Variants in CUL9 observed in about 807,000 individuals in gnomAD.
CUL9 encodes cullin-9.
In CUL9, 79 loss-of-function variants were observed where a neutral mutation model predicts 272.6. The observed-to-expected ratio is 0.29, with a 90% CI of 0.24 to 0.35. The LOEUF (loss-of-function observed/expected upper bound fraction) is 0.35, where lower values mean the gene tolerates loss of function less well. Among genes scored for constraint, CUL9 ranks in the 10% least tolerant of loss-of-function variants. CUL9 has a pLI of 1.00. For synonymous variants in CUL9, 1,186 were observed against 1,286.5 expected (o/e 0.92, Z 1.67); for missense variants, 2,532 against 3,255.6 (o/e 0.78, Z 5.41).
Position 43,221,036 on chromosome 6 carries a change from G to A in CUL9, c.6589-122G>A. On this transcript the variant is annotated intron_variant, in intron 33 of 40. Transcript: ENST00000252050. The surrounding 1 kb of genome is among the most constrained non-coding windows in gnomAD (Gnocchi z 4.2). ...TCCTCAGCCTCTGCCACCCAGTTGA[G>A]CTCTGTTCCTCTTCCTGGAGCCCTC... The A allele has an allele frequency of 6.8e-7, 1 of 1,472,772 alleles. No homozygotes were observed. Among genetic ancestry groups the A allele is most frequent in the African/African-American group, 1.4e-5 (1 of 71,760 alleles). The allele number at this position is 1,472,772 out of a possible 1,614,324, so 91.2% of individuals were successfully genotyped here.
rs540417298 is a variant in CUL9 at position 43,196,364 on chromosome 6, G to A, written c.2585+99G>A. ...TGTACTCCACAGAAATTCCCCTCAC[G>A]CTGTCACCTCCGGATTAAGCATTGG... On this transcript the variant is annotated intron_variant, in intron 10 of 40. Coordinates refer to ENST00000252050, the MANE Select transcript of CUL9 (RefSeq NM_015089.4). 6.7e-6 allele frequency: 8 copies of A among 1,201,208 alleles called. No individual in the cohort carries two copies. In the East Asian group the frequency reaches 1.7e-4, roughly 26 times the overall value. The allele number at this position is 1,201,208 out of a possible 1,614,324, so 74.4% of individuals were successfully genotyped here.
rs761178613 is a variant in CUL9 at position 43,193,025 on chromosome 6, G to A, written c.2205G>A (p.Val735=). ...SLREKLVKML[V]ELLTNQVGEK... ...GAGAGAAGCTAGTGAAGATGCTGGT[G>A]GAGCTGCTGACCAACCAGGTGGGAG... is the stretch of plus-strand genomic sequence containing the variant. The change falls in exon 9 of 41, where the codon GTG becomes GTA. Residue 735 remains valine, a synonymous_variant. Coordinates refer to ENST00000252050, the MANE Select transcript of CUL9 (RefSeq NM_015089.4). 2.5e-6 allele frequency: 4 copies of A among 1,614,134 alleles called. No homozygotes were observed. The Admixed American group carries it at 6.7e-5, about 27-fold the overall frequency.
At chr6:43,214,990 G>A in intron 29 of CUL9, 89 bp from the exon 30 acceptor site, 1 of 1,454,678 alleles carries the variant, frequency 6.9e-7, no homozygotes, top group South Asian at 1.4e-5. Context: ...AAAAAAGGGG[G>A]GGAAAAATAA....
chr6:43,212,938 A>G (rs1223959262), intron 26 of CUL9: 17 of 581,344 alleles, frequency 2.9e-5, no homozygotes, highest in Non-Finnish European at 5.2e-5. Flanking sequence ...CGCTGGGTCT[A>G]GGGATGGGCT....
Position 43,221,238 on chromosome 6 carries a change from G to A in CUL9, c.6669G>A (p.Ala2223=), listed in dbSNP as rs147336036. The A allele has an allele frequency of 7.3e-5, 117 of 1,611,604 alleles. No homozygotes were observed. Among genetic ancestry groups the A allele is most frequent in the Non-Finnish European group, 9.4e-5 (111 of 1,179,980 alleles). ...ACTATGACGGCATGAGCGTGGAGGC[G>A]CAGAGCAAGCACCTGGCCAAGCTCA... ...GGYYDGMSVE[A]QSKHLAKLIS... Residue 2223 remains alanine, a synonymous_variant, in exon 34 of 41, where the codon GCG becomes GCA. Transcript: ENST00000252050. The surrounding 1 kb of genome is among the most constrained non-coding windows in gnomAD (Gnocchi z 4.2).
intron 8 of CUL9, among the ~76,000 whole-genome samples, chr6:43,190,124 T>C (rs745466885): frequency 6.6e-5 from 10 of 152,194 alleles, no homozygotes; most frequent in African/African-American, 9.7e-5. Context: ...AGTGTGGTTA[T>C]CTCCAGTTTC....
intron 31 of CUL9, 33 bp downstream of exon 31, chr6:43,216,536 G>A (rs777247441): frequency 6.5e-7 from 1 of 1,542,222 alleles, no homozygotes. Flanking sequence ...CCTGCCCCTG[G>A]CTTTCTGCCC....
At chr6:43,205,504 A>C (rs1016580853) in intron 24 of CUL9, 81 bp downstream of exon 24, 1 of 1,487,188 alleles carries the variant, frequency 6.7e-7, no homozygotes, top group African/African-American at 1.4e-5. Flanking sequence ...AGGGGAGATG[A>C]GAAAAGAGGC....
Position 43,224,421 on chromosome 6 carries a change from G to A in CUL9, c.7530G>A (p.Glu2510=). 2 of 1,614,008 alleles carry A rather than the reference G, an allele frequency of 1.2e-6. No homozygotes were observed. The highest frequency in any genetic ancestry group is 1.7e-4 in the Middle Eastern group (1 of 5,926). The change falls in exon 41 of 41, where the codon GAG becomes GAA. Residue 2510 remains glutamate (E), a synonymous_variant. Transcript: ENST00000252050. This position sits in a 1 kb window ranked among gnomAD's most constrained non-coding sequence, Gnocchi z 4.2. ...QETFFFGDEE[E]DEDEAYD is the part of the protein sequence containing the mutation. Reference sequence around the variant, plus strand: ...CTTTCTTCTTTGGTGATGAGGAAGAGGATGAAGATGAGGCCTATGACTGAG... The same window carrying A: ...CTTTCTTCTTTGGTGATGAGGAAGAAGATGAAGATGAGGCCTATGACTGAG...
Position 43,218,479 on chromosome 6 carries a change from G to C in CUL9, c.6282+1976G>C, listed in dbSNP as rs1471133043. On this transcript the variant is annotated intron_variant, in intron 31 of 40. Transcript: ENST00000252050. The surrounding 1 kb of genome is among the most constrained non-coding windows in gnomAD (Gnocchi z 4.4). ...GATCCACCCACCTCAGCCTCCCAAA[G>C]TGCTGGAATTACAGGCGTGAGCCAC... Among the ~76,000 whole-genome samples, 1 of 152,066 alleles carries C rather than the reference G, an allele frequency of 6.6e-6. No individual in the cohort carries two copies. Among genetic ancestry groups the C allele is most frequent in the Non-Finnish European group, 1.5e-5 (1 of 68,030 alleles).
Position 43,223,019 on chromosome 6 carries a change from T to C in CUL9, c.7150+123T>C. 2 of 936,428 alleles carry C rather than the reference T, an allele frequency of 2.1e-6. No individual in the cohort carries two copies. Among genetic ancestry groups the C allele is most frequent in the Non-Finnish European group, 1.6e-6 (1 of 606,884 alleles). 58.0% of individuals were successfully genotyped at this position (936,428 alleles called of 1,614,324 possible). On this transcript the variant is annotated intron_variant, in intron 38 of 40. Coordinates refer to ENST00000252050, the MANE Select transcript of CUL9 (RefSeq NM_015089.4). The surrounding 1 kb of genome is among the most constrained non-coding windows in gnomAD (Gnocchi z 4.1). ...CCTCTCTCCTCTTCCTCTTCATTCT[T>C]CATGGCCTTCTCACTGCCTGGCTGT...
chr6:43,191,910 CTT>C (rs901802484), intron 8 of CUL9, among the ~76,000 whole-genome samples: 38 of 138,958 alleles, frequency 2.7e-4, no homozygotes, highest in Admixed American at 6.5e-4. Context: ...ATGGTTCTTC[CTT>C]TTTTTTTTTT....
At position 43,203,057 on chromosome 6, in the gene CUL9, A is replaced by C. The variant is rs1472097061; in HGVS notation, c.3754-52A>C. 3.8e-6 allele frequency: 6 copies of C among 1,597,232 alleles called. No homozygotes were observed. Among genetic ancestry groups the C allele is most frequent in the Non-Finnish European group, 5.1e-6 (6 of 1,166,672 alleles). ...TTGGTTACTGTCAACAATTTTTCCA[A>C]CCTTGTTTCTGGAGGTGACAGTTCT... On this transcript the variant is annotated intron_variant, in intron 17 of 40. Transcript: ENST00000252050. The surrounding 1 kb of genome is among the most constrained non-coding windows in gnomAD (Gnocchi z 5.0).
intron 9 of CUL9, 31 bp from the exon 10 acceptor site, chr6:43,196,038 T>A (rs1399517912): frequency 6.3e-7 from 1 of 1,589,380 alleles, no homozygotes; most frequent in East Asian, 2.2e-5. Flanking sequence ...CTCTGCCCCC[T>A]CCTCACTCTG....
chr6:43,215,369 G>A (rs1562056568), intron 30 of CUL9, 43 bp downstream of exon 30: 1 of 1,550,562 alleles, frequency 6.4e-7, no homozygotes, highest in Non-Finnish European at 8.7e-7. Flanking sequence ...CGGGAGAGGT[G>A]GTCATGCCAA....
chr6:43,222,729 G>T, intron 37 of CUL9, 50 bp from the exon 38 acceptor site: 1 of 1,607,360 alleles, frequency 6.2e-7, no homozygotes. Flanking sequence ...TTGCCTGGGT[G>T]AAGGGAATGA....
At chr6:43,215,033 G>A (rs755222140) in intron 29 of CUL9, 46 bp from the exon 30 acceptor site, 2 of 1,543,804 alleles carry the variant, frequency 1.3e-6, no homozygotes, top group Admixed American at 4.0e-5. Flanking sequence ...CCAGCAGCCT[G>A]CTCCCTACAT....
chr6:43,221,044 C>G lies in CUL9; in HGVS notation c.6589-114C>G. ...CTCTGCCACCCAGTTGAGCTCTGTT[C>G]CTCTTCCTGGAGCCCTCCAAATGTG... On this transcript the variant is annotated intron_variant, in intron 33 of 40. Coordinates refer to ENST00000252050, the MANE Select transcript of CUL9 (RefSeq NM_015089.4). The surrounding 1 kb of genome is among the most constrained non-coding windows in gnomAD (Gnocchi z 4.2). 1 of 1,475,110 alleles carries G rather than the reference C, an allele frequency of 6.8e-7. No individual in the cohort carries two copies. The highest frequency in any genetic ancestry group is 9.1e-7 in the Non-Finnish European group (1 of 1,099,920). The allele number at this position is 1,475,110 out of a possible 1,614,324, so 91.4% of individuals were successfully genotyped here. A position where few individuals can be genotyped will look rare whatever the true frequency, so the allele number is the denominator to read the frequency against.
intron 7 of CUL9, 76 bp from the exon 8 acceptor site, chr6:43,188,447 T>C (rs1007453003): frequency 1.4e-6 from 2 of 1,380,474 alleles, no homozygotes; most frequent in Non-Finnish European, 2.0e-6. Context: ...GTAGGATAAC[T>C]GGGCTTGACT....
Sources: gnomAD v4.1 joint callset for allele counts (sites outside exome capture counted in the v4.1 genomes callset) on GRCh38, gnomAD v4.1.1 for gene constraint, Gnocchi (gnomAD v3.1) non-coding constraint, MANE v1.5 for transcripts, NCBI Gene and HGNC (gene_info 2026-07-23, HGNC 2026-07-21) for gene names.